PLXDC2: variants seen among roughly 807,000 people sequenced by gnomAD.
The protein encoded by PLXDC2 is plexin domain containing 2.
A neutral mutation model predicts 68.9 loss-of-function variants in PLXDC2; 40 were observed. The ratio of observed to expected loss-of-function variants is 0.58; its 90% CI spans 0.45 to 0.76. The LOEUF (loss-of-function observed/expected upper bound fraction) is 0.76. Among genes scored for constraint, PLXDC2 ranks in the 30% least tolerant of loss-of-function variants. PLXDC2 has a pLI of 0.00. For missense variants in PLXDC2, 644 were observed against 661.9 expected, an observed-to-expected ratio of 0.97 and a Z score of 0.30; for synonymous variants, 243 against 234.2, an observed-to-expected ratio of 1.04 and a Z score of -0.34.
chr10:20,118,137 CAG>C (rs898738455), intron 4 of PLXDC2, among the ~76,000 whole-genome samples: 3 of 149,594 alleles, frequency 2.0e-5, no homozygotes, highest in African/African-American at 7.4e-5. Context: ...CACACACACA[CAG>C]ACACACACAC....
At chr10:20,116,015 T>C (rs1347647565) in intron 4 of PLXDC2, among the ~76,000 whole-genome samples, 1 of 152,236 alleles carries the variant, frequency 6.6e-6, no homozygotes, top group Non-Finnish European at 1.5e-5. Flanking sequence ...AAAGTCATCC[T>C]TCAGTTCTGA....
chr10:20,216,036 G>A (rs1835131930), intron 10 of PLXDC2, among the ~76,000 whole-genome samples: 1 of 151,982 alleles, frequency 6.6e-6, no homozygotes, highest in Non-Finnish European at 1.5e-5. Context: ...TTATTCTCCA[G>A]CTGTGCCTGG....
At chr10:20,052,299 T>C (rs1835917619) in intron 3 of PLXDC2, among the ~76,000 whole-genome samples, 1 of 152,258 alleles carries the variant, frequency 6.6e-6, no homozygotes, top group South Asian at 2.1e-4. Flanking sequence ...CATATTTTAG[T>C]ATTTCCTCAA....
chr10:20,217,411 C>G lies in PLXDC2; in HGVS notation c.1123-15C>G, dbSNP rs771581924. 4 of 1,599,600 alleles carry G rather than the reference C, an allele frequency of 2.5e-6. No homozygotes were observed. The highest frequency in any genetic ancestry group is 2.6e-6 in the Non-Finnish European group (3 of 1,172,710). On this transcript the variant is annotated splice_polypyrimidine_tract_variant and intron_variant, in intron 10 of 13. Transcript: ENST00000377252. ...TGATCACTCCATTTGTTTTCCTTTT[C>G]TTTTCTCTTACTAGTCAAAAGAGAA... is the stretch of plus-strand genomic sequence containing the variant.
At chr10:19,926,355 A>T (rs1049447051) in intron 1 of PLXDC2, among the ~76,000 whole-genome samples, 8 of 152,168 alleles carry the variant, frequency 5.3e-5, no homozygotes, top group East Asian at 1.9e-4. Context: ...CAGTTCTGCC[A>T]TAGGGTGGGT....
chr10:20,252,296 G>T (rs924833291), intron 13 of PLXDC2, among the ~76,000 whole-genome samples: 2 of 152,124 alleles, frequency 1.3e-5, no homozygotes, highest in Non-Finnish European at 2.9e-5. Flanking sequence ...ACTGGATTTT[G>T]AAATCTGAGT....
chr10:19,817,005 C>A lies in PLXDC2; in HGVS notation c.-75C>A. On this transcript the variant is annotated 5_prime_UTR_variant, in exon 1 of 14. Transcript: ENST00000377252. ...ACCGATCCGCAGCGTTTGGCCCGGT[C>A]GTGCCTATTGCATCGGGAGCCCCCG... 2.7e-6 allele frequency: 3 copies of A among 1,110,182 alleles called. No homozygotes were observed. The highest frequency in any genetic ancestry group is 2.7e-5 in the South Asian group (2 of 73,244). 68.8% of individuals were successfully genotyped at this position (1,110,182 alleles called of 1,614,324 possible).
At position 20,159,617 on chromosome 10, in the gene PLXDC2, T is replaced by C. The variant is rs148802248; in HGVS notation, c.784-4851T>C. Among the ~76,000 whole-genome samples the C allele has an allele frequency of 2.0e-5, 3 of 152,282 alleles. No individual in the cohort carries two copies. The East Asian group carries it at 5.8e-4, about 29-fold the overall frequency. ...TCCTCTGCTCAAAACCTCCCAAATCTTTCTGTATCTTTTGGACTAAAATCC... is the reference window on the plus strand; with the variant it reads ...TCCTCTGCTCAAAACCTCCCAAATCCTTCTGTATCTTTTGGACTAAAATCC... On this transcript the variant is annotated intron_variant, in intron 6 of 13. Coordinates refer to ENST00000377252, the MANE Select transcript of PLXDC2 (RefSeq NM_032812.9).
chr10:20,245,260 T>C (rs1490434829), intron 12 of PLXDC2, 85 bp from the exon 13 acceptor site: 4 of 1,432,012 alleles, frequency 2.8e-6, no homozygotes, highest in Non-Finnish European at 3.7e-6. Context: ...TCGTACTTTA[T>C]TAAAAACACA....
rs1836123863 is a variant in PLXDC2 at position 20,284,405 on chromosome 10, TTATG to T, written c.*4588_*4591del. 1.1e-5 allele frequency: 1 copy of T among 91,526 alleles called. No homozygotes were observed. Among genetic ancestry groups the T allele is most frequent in the Non-Finnish European group, 2.1e-5 (1 of 47,820 alleles). The allele number at this position is 91,526 out of a possible 1,614,324, so 5.7% of individuals were successfully genotyped here. A position where few individuals can be genotyped will look rare whatever the true frequency, so the allele number is the denominator to read the frequency against. ...GTATATTTGATAGAGATGATAGCAATTATGTGTGTGTGTGTGTGTGTGTGTGTGT... is the reference window on the plus strand; with the variant it reads ...GTATATTTGATAGAGATGATAGCAATTGTGTGTGTGTGTGTGTGTGTGTGT... On this transcript the variant is annotated 3_prime_UTR_variant, in exon 14 of 14. Coordinates refer to ENST00000377252, the MANE Select transcript of PLXDC2 (RefSeq NM_032812.9).
chr10:20,254,515 T>C (rs1588545791), intron 13 of PLXDC2, among the ~76,000 whole-genome samples: 1 of 152,188 alleles, frequency 6.6e-6, no homozygotes, highest in South Asian at 2.1e-4. Context: ...AGGTATTTCT[T>C]AGTCTTACTT....
chr10:20,000,270 T>C (rs1834912069), intron 1 of PLXDC2, among the ~76,000 whole-genome samples: 1 of 150,710 alleles, frequency 6.6e-6, no homozygotes, highest in Admixed American at 6.6e-5. Flanking sequence ...GTACATGAGT[T>C]TTTTTTTTTG....
In PLXDC2 at chr10:20,209,866, G is replaced by A. The variant is rs866825712; in HGVS notation, c.1062-1803G>A. ...GGTATTGACTGGGGAGGTGATAAGT[G>A]TCCATGAAATCTTCACAATTTATGT... On this transcript the variant is annotated intron_variant, in intron 9 of 13. Coordinates refer to ENST00000377252, the MANE Select transcript of PLXDC2 (RefSeq NM_032812.9). Among the ~76,000 whole-genome samples the A allele has an allele frequency of 1.4e-4, 22 of 152,242 alleles. 1 individual carries two copies. In the Middle Eastern group the frequency reaches 0.017, roughly 118 times the overall value.
At chr10:20,066,044 G>A (rs111861387) in intron 3 of PLXDC2, among the ~76,000 whole-genome samples, 153 of 152,310 alleles carry the variant, frequency 1.0e-3, no homozygotes, top group African/African-American at 3.2e-3. Flanking sequence ...TATCAGTAGC[G>A]ACTGGCAAGA....
chr10:19,908,989 G>A (rs772384261), intron 1 of PLXDC2, among the ~76,000 whole-genome samples: 3 of 152,052 alleles, frequency 2.0e-5, no homozygotes, highest in South Asian at 2.1e-4. Context: ...ATAAAGTTCC[G>A]TCCAAGGAAC....
At chr10:20,235,594 C>T (rs765650915) in intron 12 of PLXDC2, among the ~76,000 whole-genome samples, 34 of 152,178 alleles carry the variant, frequency 2.2e-4, no homozygotes, top group Non-Finnish European at 4.1e-4. Flanking sequence ...GAAAAGATGC[C>T]GCTCCTTTAG....
chr10:20,192,195 C>T (rs2131840010), intron 9 of PLXDC2, among the ~76,000 whole-genome samples: 1 of 152,032 alleles, frequency 6.6e-6, no homozygotes, highest in African/African-American at 2.4e-5. Flanking sequence ...AAAGCAAATG[C>T]TAAGGTTGAA....
At chr10:20,104,128 G>T (rs918135145) in intron 4 of PLXDC2, among the ~76,000 whole-genome samples, 1 of 152,144 alleles carries the variant, frequency 6.6e-6, no homozygotes, top group Non-Finnish European at 1.5e-5. Flanking sequence ...AACATAGGTG[G>T]TAGATTTGAG....
In PLXDC2 at chr10:19,817,055, G is replaced by T. The variant is rs1010078775; in HGVS notation, c.-25G>T. 8.1e-6 allele frequency: 12 copies of T among 1,482,362 alleles called. No individual in the cohort carries two copies. The highest frequency in any genetic ancestry group is 2.5e-5 in the South Asian group (2 of 78,526). The allele number at this position is 1,482,362 out of a possible 1,614,324, so 91.8% of individuals were successfully genotyped here. On this transcript the variant is annotated 5_prime_UTR_variant, in exon 1 of 14. Transcript: ENST00000377252. ...GAGCACCGGCGAAGGACTGGCGGGT[G>T]GGGTAGGGAGGTGGCGGCGGCGGCA...
Sources: allele counts gnomAD v4.1 joint callset (sites outside exome capture counted in the v4.1 genomes callset), GRCh38; gene constraint gnomAD v4.1.1; transcripts MANE v1.5; gene names NCBI Gene and HGNC (gene_info 2026-07-23, HGNC 2026-07-21).